CCDC7: variants seen among roughly 807,000 people sequenced by gnomAD.
CCDC7 encodes the protein coiled-coil domain containing 7.
In CCDC7, 183 loss-of-function variants were observed where a neutral mutation model predicts 196.9. That is an observed-to-expected ratio of 0.93 (90% CI 0.82 to 1.05). The LOEUF is 1.05. CCDC7 is among the 50% of genes least tolerant of loss of function. The probability of loss-of-function intolerance (pLI) is 0.00; values close to 1 mark genes in which losing one functional copy is unlikely to be tolerated. For synonymous variants in CCDC7, 525 were observed against 484.6 expected (o/e 1.08, Z -1.10); for missense variants, 1,540 against 1,482.2 (o/e 1.04, Z -0.64).
intron 13 of CCDC7, among the ~76,000 whole-genome samples, chr10:32,557,640 T>A (rs568730198): frequency 6.6e-6 from 1 of 152,202 alleles, no homozygotes; most frequent in Non-Finnish European, 1.5e-5. Flanking sequence ...TGCTCATACA[T>A]TAAATTTTTA....
chr10:32,731,917 G>A (rs1446784729), intron 28 of CCDC7, among the ~76,000 whole-genome samples: 1 of 152,130 alleles, frequency 6.6e-6, no homozygotes, highest in East Asian at 1.9e-4. Context: ...GCGGCGCATG[G>A]TGGCACGCGC....
At chr10:32,576,608 T>G (rs1211948136) in intron 16 of CCDC7, among the ~76,000 whole-genome samples, 1 of 149,434 alleles carries the variant, frequency 6.7e-6, no homozygotes, top group Non-Finnish European at 1.5e-5. Flanking sequence ...TGGAGTGCAG[T>G]GGCACCATCA....
At chr10:32,878,689 C>A (rs1005136213), downstream of CCDC7, among the ~76,000 whole-genome samples, 2 of 152,066 alleles carry the variant, frequency 1.3e-5, no homozygotes, top group Non-Finnish European at 2.9e-5. Context: ...CCTGGAAATT[C>A]AAAAATTCCT....
At position 32,544,426 on chromosome 10, in the gene CCDC7, CTGTG is replaced by C. The variant is rs955179261; in HGVS notation, c.1134+135_1134+138del. The C allele has an allele frequency of 6.8e-6, 6 of 880,522 alleles. No homozygotes were observed. The Admixed American group carries it at 1.9e-4, about 28-fold the overall frequency. 54.5% of individuals were successfully genotyped at this position (880,522 alleles called of 1,614,324 possible). ...TATGTCTGTGTGTGTGTATGTGTCTCTGTGTGTGTGTGTACTAAAATTCTTCCTG... is the reference window on the plus strand; with the variant it reads ...TATGTCTGTGTGTGTGTATGTGTCTCTGTGTGTGTACTAAAATTCTTCCTG... On this transcript the variant is annotated intron_variant, in intron 13 of 41. Coordinates refer to ENST00000639629, the Ensembl canonical transcript of CCDC7.
At chr10:32,707,289 C>T (rs541414948) in intron 24 of CCDC7, among the ~76,000 whole-genome samples, 134 of 152,136 alleles carry the variant, frequency 8.8e-4, no homozygotes, top group Non-Finnish European at 1.3e-3. Flanking sequence ...GCTAAAGACT[C>T]TCAATAAATT....
chr10:32,516,688 G>A (rs2047082494), intron 9 of CCDC7, among the ~76,000 whole-genome samples: 1 of 152,218 alleles, frequency 6.6e-6, no homozygotes, highest in African/African-American at 2.4e-5. Flanking sequence ...TTGTTGGCAA[G>A]TATGTAGAGA....
chr10:32,621,217 T>A (rs2063371119), intron 18 of CCDC7, among the ~76,000 whole-genome samples: 1 of 152,202 alleles, frequency 6.6e-6, no homozygotes, highest in Admixed American at 6.5e-5. Context: ...GTGATATAGA[T>A]GCTTTCATGA....
At chr10:32,443,897 A>G (rs545506411), upstream of CCDC7, among the ~76,000 whole-genome samples, 9 of 152,326 alleles carry the variant, frequency 5.9e-5, no homozygotes, top group East Asian at 1.3e-3. Flanking sequence ...ATAGACTTAA[A>G]AAGTTGACAT....
intron 9 of CCDC7, among the ~76,000 whole-genome samples, chr10:32,502,397 C>T (rs1012833609): frequency 6.6e-6 from 1 of 152,178 alleles, no homozygotes; most frequent in African/African-American, 2.4e-5. Flanking sequence ...ATCCACTGTC[C>T]AACCAGTCCT....
rs557233568 is a variant in CCDC7, at chr10:32,493,067, T to C, written c.872+1070T>C. 3.3e-5 allele frequency among the ~76,000 whole-genome samples: 5 copies of C among 152,108 alleles called. No individual in the cohort carries two copies. In the East Asian group the frequency reaches 9.6e-4, roughly 29 times the overall value. ...AACAGACCCAAAATCCTCACATACA[T>C]ATCTTTTTTTTTCTGGTGAAAACAC... On this transcript the variant is annotated intron_variant, in intron 9 of 41. Transcript: ENST00000639629.
intron 20 of CCDC7, among the ~76,000 whole-genome samples, chr10:32,659,158 A>G (rs1018126869): frequency 8.6e-5 from 13 of 151,842 alleles, no homozygotes; most frequent in African/African-American, 1.5e-4. Context: ...TTTTTTCTTA[A>G]TGTAGACATT....
chr10:32,652,478 ATCTTC>A (rs2068954359), intron 20 of CCDC7, among the ~76,000 whole-genome samples: 1 of 151,842 alleles, frequency 6.6e-6, no homozygotes, highest in Admixed American at 6.6e-5. Context: ...TGTTTTGTAA[ATCTTC>A]TCTTTCTTAC....
chr10:32,545,526 A>G (rs574690723), intron 13 of CCDC7, among the ~76,000 whole-genome samples: 48 of 152,268 alleles, frequency 3.2e-4, no homozygotes, highest in African/African-American at 1.2e-3. Flanking sequence ...CCCTATACTT[A>G]TCTCCATTTC....
chr10:32,598,140 C>T (rs1255123258), intron 18 of CCDC7, among the ~76,000 whole-genome samples: 1 of 152,154 alleles, frequency 6.6e-6, no homozygotes, highest in Admixed American at 6.5e-5. Context: ...CCTTGGGCTG[C>T]AGTGGGCTCC....
chr10:32,607,675 C>T (rs2061681283), intron 18 of CCDC7, among the ~76,000 whole-genome samples: 1 of 152,080 alleles, frequency 6.6e-6, no homozygotes, highest in Non-Finnish European at 1.5e-5. Context: ...TGAGGTGTAT[C>T]CCACTTGATC....
chr10:32,502,951 G>A (rs947608776), intron 9 of CCDC7, among the ~76,000 whole-genome samples: 1 of 151,906 alleles, frequency 6.6e-6, no homozygotes. Flanking sequence ...TTCTTTTTTA[G>A]ATAGTTTGTT....
chr10:32,869,032 C>T lies in CCDC7; in HGVS notation c.4112-7315C>T, dbSNP rs375898625. Among the ~76,000 whole-genome samples, 128 of 151,976 alleles carry T rather than the reference C, an allele frequency of 8.4e-4. No individual in the cohort carries two copies. In the Middle Eastern group the frequency reaches 0.014, roughly 16 times the overall value. On this transcript the variant is annotated intron_variant, in intron 41 of 41. Transcript: ENST00000639629. The stretch of plus-strand genomic sequence containing the variant: ...TGAATAGTGCCACAATAAACATACG[C>T]GTGCATGTGTCTTTATAGCAGCATG...
intron 18 of CCDC7, among the ~76,000 whole-genome samples, chr10:32,612,362 C>CA (rs137894668): frequency 0.92 from 140,452 of 152,158 alleles, 65,825 homozygotes; most frequent in East Asian, 1. Flanking sequence ...ATGTCATCTG[C>CA]AACAGAGAGA....
intron 31 of CCDC7, among the ~76,000 whole-genome samples, chr10:32,816,433 C>T (rs1249876603): frequency 6.6e-6 from 1 of 152,202 alleles, no homozygotes; most frequent in Non-Finnish European, 1.5e-5. Context: ...AAACAAAAGG[C>T]AGCAGAAACC....
Sources: allele counts gnomAD v4.1 joint callset (sites outside exome capture counted in the v4.1 genomes callset), GRCh38; gene constraint gnomAD v4.1.1; transcripts MANE v1.5; gene names NCBI Gene and HGNC (gene_info 2026-07-23, HGNC 2026-07-21).